SCUBE1: variants seen among roughly 807,000 people sequenced by gnomAD.
The protein encoded by SCUBE1 is signal peptide, CUB domain and EGF like domain containing 1.
A neutral mutation model predicts 124.4 loss-of-function variants in SCUBE1; 59 were observed. The ratio of observed to expected loss-of-function variants is 0.47; its 90% CI spans 0.38 to 0.59. SCUBE1 has a LOEUF of 0.59. Ranked by LOEUF, SCUBE1 falls within the 20% of genes least tolerant of loss-of-function variation. The pLI is 0.00. For synonymous variants in SCUBE1, 545 were observed against 550.9 expected, an observed-to-expected ratio of 0.99 and a Z score of 0.15; for missense variants, 1,150 against 1,371.2, an observed-to-expected ratio of 0.84 and a Z score of 2.55.
intron 3 of SCUBE1, among the ~76,000 whole-genome samples, chr22:43,313,119 G>C (rs112480143): frequency 6.6e-6 from 1 of 152,168 alleles, no homozygotes; most frequent in Non-Finnish European, 1.5e-5. Context: ...ACAGCATCCC[G>C]GGCAAATCCA....
intron 16 of SCUBE1, 38 bp downstream of exon 16, chr22:43,214,041 GCCCCCGCCCAC>G: frequency 2.1e-6 from 1 of 484,840 alleles, no homozygotes; most frequent in Non-Finnish European, 3.5e-6. Flanking sequence ...GACAGGAGGA[GCCCCCGCCCAC>G]CCCCCACCCC....
intron 4 of SCUBE1, among the ~76,000 whole-genome samples, chr22:43,280,401 CTTCCCCTCACCCATCCTCCT>C (rs2146734177): frequency 1.4e-5 from 2 of 141,912 alleles, no homozygotes; most frequent in South Asian, 4.4e-4. Flanking sequence ...TCCCCCGTCC[CTTCCCCTCACCCATCCTCCT>C]GTCCCTTCCC....
intron 3 of SCUBE1, among the ~76,000 whole-genome samples, chr22:43,294,176 C>T (rs1015938983): frequency 1.3e-4 from 20 of 152,380 alleles, no homozygotes; most frequent in Admixed American, 9.1e-4. Flanking sequence ...ACCCTTTTCC[C>T]ACTGCGGTCC....
intron 6 of SCUBE1, among the ~76,000 whole-genome samples, chr22:43,251,222 C>A (rs1923434248): frequency 6.6e-6 from 1 of 152,168 alleles, no homozygotes; most frequent in Non-Finnish European, 1.5e-5. Context: ...AGCGGAGGCT[C>A]CGTGAAGTGG....
chr22:43,239,296 C>T (rs954106869), intron 6 of SCUBE1, among the ~76,000 whole-genome samples: 1 of 152,204 alleles, frequency 6.6e-6, no homozygotes, highest in African/African-American at 2.4e-5. Context: ...ATTTAACTGC[C>T]CGAGGCTGGA....
chr22:43,276,496 G>C (rs945674913), intron 4 of SCUBE1, among the ~76,000 whole-genome samples: 1 of 152,222 alleles, frequency 6.6e-6, no homozygotes, highest in Non-Finnish European at 1.5e-5. Context: ...CGTCCCACCA[G>C]GAGATTGGCC....
chr22:43,260,794 T>C (rs1923842333), intron 5 of SCUBE1, among the ~76,000 whole-genome samples: 1 of 152,116 alleles, frequency 6.6e-6, no homozygotes, highest in Non-Finnish European at 1.5e-5. Context: ...GGTTGAGCCC[T>C]TCCCTGGCGG....
chr22:43,269,138 G>A (rs531748377), intron 4 of SCUBE1, among the ~76,000 whole-genome samples: 2 of 152,264 alleles, frequency 1.3e-5, no homozygotes, highest in Non-Finnish European at 2.9e-5. Context: ...TTGGGACAGC[G>A]TCGGGGAAGA....
rs1569491724 is a variant in SCUBE1 at position 43,198,986 on chromosome 22, G to A, written c.*5011C>T. 2.8e-6 allele frequency: 1 copy of A among 357,960 alleles called. No homozygotes were observed. The highest frequency in any genetic ancestry group is 7.4e-5 in the East Asian group (1 of 13,452). The allele number at this position is 357,960 out of a possible 1,614,324, so 22.2% of individuals were successfully genotyped here. On this transcript the variant is annotated 3_prime_UTR_variant, in exon 22 of 22. Coordinates refer to ENST00000360835, the MANE Select transcript of SCUBE1 (RefSeq NM_173050.5). ...TTTTCTGTCTGCTGTCCGGGGCAACGTGTCTGTCTGTCTGCTGTCCGGGGC... is the reference window on the plus strand; with the variant it reads ...TTTTCTGTCTGCTGTCCGGGGCAACATGTCTGTCTGTCTGCTGTCCGGGGC...
In SCUBE1 at chr22:43,210,113, G is replaced by T. The variant is rs565228981; in HGVS notation, c.2511C>A (p.Leu837=). ...HIAPPPKRRI[L]IVVPEIFLPI... is the part of the protein sequence containing the mutation. Reference sequence around the variant, plus strand: ...GCAGGAAGATCTCAGGGACCACGATGAGGATCCTGCGCTTTGGGGGAGGCG... The same window carrying T: ...GCAGGAAGATCTCAGGGACCACGATTAGGATCCTGCGCTTTGGGGGAGGCG... Residue 837 remains leucine, a synonymous_variant, in exon 19 of 22, where the codon CTC becomes CTA. Coordinates refer to ENST00000360835, the MANE Select transcript of SCUBE1 (RefSeq NM_173050.5). The surrounding 1 kb of genome is among the most constrained non-coding windows in gnomAD (Gnocchi z 4.5). The T allele has an allele frequency of 3.1e-6, 5 of 1,613,040 alleles. No homozygotes were observed. In the East Asian group the frequency reaches 1.1e-4, roughly 36 times the overall value.
At chr22:43,260,320 C>T (rs1229995532) in intron 5 of SCUBE1, among the ~76,000 whole-genome samples, 3 of 152,202 alleles carry the variant, frequency 2.0e-5, no homozygotes, top group African/African-American at 4.8e-5. Flanking sequence ...CTTCGAATAC[C>T]GGAGAGTCTA....
At chr22:43,319,529 T>C (rs1238863711) in intron 3 of SCUBE1, among the ~76,000 whole-genome samples, 1 of 125,938 alleles carries the variant, frequency 7.9e-6, no homozygotes, top group African/African-American at 3.2e-5. Context: ...CACCACTGCA[T>C]GCTTGGGTGA....
chr22:43,217,115 CCCCAT>C (rs1320798901), intron 15 of SCUBE1, among the ~76,000 whole-genome samples: 6 of 92,614 alleles, frequency 6.5e-5, no homozygotes, highest in East Asian at 5.7e-4. Flanking sequence ...AACCCCCACC[CCCCAT>C]CCGCCAGGTG....
At chr22:43,332,517 T>G (rs1016518663) in intron 2 of SCUBE1, among the ~76,000 whole-genome samples, 5 of 152,068 alleles carry the variant, frequency 3.3e-5, no homozygotes. Flanking sequence ...TGCTTTCCCA[T>G]GGGCTGATGG....
intron 15 of SCUBE1, among the ~76,000 whole-genome samples, chr22:43,217,447 G>C (rs66751502): frequency 0.27 from 40,457 of 151,430 alleles, 7,330 homozygotes; most frequent in East Asian, 0.51. Flanking sequence ...CCTTGGAGTC[G>C]TCCTTGAAGT....
chr22:43,325,618 G>A (rs1178956000), intron 2 of SCUBE1, among the ~76,000 whole-genome samples: 2 of 152,138 alleles, frequency 1.3e-5, no homozygotes, highest in Non-Finnish European at 2.9e-5. Context: ...AAAGTGGCAG[G>A]ACAAAAGATC....
intron 2 of SCUBE1, among the ~76,000 whole-genome samples, chr22:43,322,673 CA>C (rs1298533821): frequency 1.3e-5 from 2 of 152,154 alleles, no homozygotes; most frequent in Non-Finnish European, 1.5e-5. Context: ...GCAGGTGATT[CA>C]GGGGGAAGCT....
Position 43,204,038 on chromosome 22 carries a change from G to A in SCUBE1, c.2926C>T (p.Leu976=). 1 of 1,614,202 alleles carries A rather than the reference G, an allele frequency of 6.2e-7. No homozygotes were observed. Among genetic ancestry groups the A allele is most frequent in the Non-Finnish European group, 8.5e-7 (1 of 1,180,036 alleles). Reference sequence around the variant, plus strand: ...AGGAACCGAGACACTTTGGAGCGCAGCAGTTTGATGAAGGACCGTGGGAAC... The same window carrying A: ...AGGAACCGAGACACTTTGGAGCGCAACAGTTTGATGAAGGACCGTGGGAAC... ...EMFPRSFIKL[L]RSKVSRFLRP... Residue 976 remains leucine (L), a synonymous_variant, in exon 22 of 22, where the codon CTG becomes TTG. Transcript: ENST00000360835.
chr22:43,203,953 C>T lies in SCUBE1; in HGVS notation c.*44G>A. The T allele has an allele frequency of 6.2e-7, 1 of 1,605,622 alleles. No individual in the cohort carries two copies. Among genetic ancestry groups the T allele is most frequent in the East Asian group, 2.2e-5 (1 of 44,828 alleles). On this transcript the variant is annotated 3_prime_UTR_variant, in exon 22 of 22. Transcript: ENST00000360835. The stretch of plus-strand genomic sequence containing the variant: ...CTCCCACTGTGGAGGGCAGGTGCAC[C>T]CTCCGCGGACCAGGCCACCCCCAGG...
Sources: allele counts gnomAD v4.1 joint callset (sites outside exome capture counted in the v4.1 genomes callset), GRCh38; gene constraint gnomAD v4.1.1; non-coding constraint Gnocchi (gnomAD v3.1); transcripts MANE v1.5; gene names NCBI Gene and HGNC (gene_info 2026-07-23, HGNC 2026-07-21).